TRPM3: variants seen among roughly 807,000 people sequenced by gnomAD.
TRPM3 encodes transient receptor potential cation channel subfamily M member 3, also known as long transient receptor potential channel 3.
TRPM3 carries 77 observed loss-of-function variants against 181.2 expected under a neutral mutation model. That is an observed-to-expected ratio of 0.42 (90% CI 0.35 to 0.51). The LOEUF is 0.51. Among genes scored for constraint, TRPM3 ranks in the 20% least tolerant of loss-of-function variants. The pLI, the probability that TRPM3 is intolerant of heterozygous loss-of-function variation, is 0.01. For missense variants in TRPM3, 1,759 were observed against 2,196.7 expected, an observed-to-expected ratio of 0.80 and a Z score of 3.98; for synonymous variants, 745 against 796.4, an observed-to-expected ratio of 0.94 and a Z score of 1.09.
At position 70,827,622 on chromosome 9, in the gene TRPM3, CAT is replaced by C. The variant is rs1165184726; in HGVS notation, c.973+223_973+224del. 29 of 446,208 alleles carry C rather than the reference CAT, an allele frequency of 6.5e-5. 1 individual carries two copies. The highest frequency in any genetic ancestry group is 7.1e-5 in the Admixed American group (2 of 28,156). 27.6% of individuals were successfully genotyped at this position (446,208 alleles called of 1,614,324 possible). On this transcript the variant is annotated intron_variant, in intron 6 of 25. Coordinates refer to ENST00000677713, the MANE Select transcript of TRPM3 (RefSeq NM_001366145.2). The stretch of plus-strand genomic sequence containing the variant: ...CCCAGATGGAGTTGAATTTTTCACA[CAT>C]GATACATAAGCTGGAGTCACTAATT...
At chr9:71,000,403 T>C (rs1484622099) in intron 1 of TRPM3, among the ~76,000 whole-genome samples, 1 of 152,176 alleles carries the variant, frequency 6.6e-6, no homozygotes, top group Non-Finnish European at 1.5e-5. Context: ...GCTAAAGTGG[T>C]TTTCAGATCC....
Position 70,966,167 on chromosome 9 carries a change from G to C in TRPM3, c.178-101656C>G, listed in dbSNP as rs539841787. 3.2e-4 allele frequency among the ~76,000 whole-genome samples: 48 copies of C among 152,006 alleles called. 1 individual carries two copies. Among genetic ancestry groups the C allele is most frequent in the African/African-American group, 1.1e-3 (47 of 41,478 alleles). ...AAAAAGCTCAACATTACTGATTAGAGAAATGCAAATCAAAACCACAATGAG... is the reference window on the plus strand; with the variant it reads ...AAAAAGCTCAACATTACTGATTAGACAAATGCAAATCAAAACCACAATGAG... On this transcript the variant is annotated intron_variant, in intron 1 of 25. Coordinates refer to ENST00000677713, the MANE Select transcript of TRPM3 (RefSeq NM_001366145.2).
chr9:71,082,028 A>G (rs1037025116), intron 1 of TRPM3, among the ~76,000 whole-genome samples: 3 of 152,240 alleles, frequency 2.0e-5, no homozygotes, highest in African/African-American at 7.2e-5. Flanking sequence ...TTTTAAACAA[A>G]TCCATATTGA....
intron 1 of TRPM3, among the ~76,000 whole-genome samples, chr9:70,965,558 C>T (rs2097176961): frequency 6.6e-6 from 1 of 151,976 alleles, no homozygotes; most frequent in African/African-American, 2.4e-5. Context: ...GTCTTTAGTT[C>T]TGTTTATGTG....
At chr9:70,921,942 A>ACACACACACACACACAC (rs1554770509) in intron 1 of TRPM3, among the ~76,000 whole-genome samples, 13 of 139,500 alleles carry the variant, frequency 9.3e-5, no homozygotes, top group African/African-American at 2.7e-4. Context: ...CACACAAACA[A>ACACACACACACACACAC]ACACACACAC....
chr9:71,421,001 G>GAGAAAAAGAGAAAA (rs1554658592), intron 1 of TRPM3, among the ~76,000 whole-genome samples: 5 of 123,022 alleles, frequency 4.1e-5, no homozygotes, highest in African/African-American at 6.1e-5. Flanking sequence ...GAGAGAAAAA[G>GAGAAAAAGAGAAAA]AGAGAAAAAG....
intron 8 of TRPM3, among the ~76,000 whole-genome samples, chr9:70,687,084 T>C (rs10868874): frequency 0.66 from 99,794 of 151,798 alleles, 33,205 homozygotes; most frequent in African/African-American, 0.76. Context: ...TGTCAGCCAC[T>C]GCGCTGGATC....
intron 1 of TRPM3, among the ~76,000 whole-genome samples, chr9:71,432,688 C>T (rs1356236030): frequency 6.6e-6 from 1 of 152,018 alleles, no homozygotes; most frequent in Non-Finnish European, 1.5e-5. Context: ...ACATGGAAAA[C>T]AATTTTAAAG....
At chr9:70,606,666 T>TATAC in intron 19 of TRPM3, among the ~76,000 whole-genome samples, 1 of 151,714 alleles carries the variant, frequency 6.6e-6, no homozygotes, top group East Asian at 1.9e-4. Flanking sequence ...TATATATATA[T>TATAC]ATGTATACTC....
At chr9:71,290,288 A>G (rs1170526361) in intron 1 of TRPM3, among the ~76,000 whole-genome samples, 1 of 152,134 alleles carries the variant, frequency 6.6e-6, no homozygotes, top group Non-Finnish European at 1.5e-5. Flanking sequence ...GAAACTCACC[A>G]ATATATCGTA....
chr9:70,763,527 G>A (rs901533861), intron 7 of TRPM3, among the ~76,000 whole-genome samples: 2 of 151,858 alleles, frequency 1.3e-5, no homozygotes, highest in Non-Finnish European at 1.5e-5. Flanking sequence ...TAGAAAAAGA[G>A]GATGGTTGAA....
intron 1 of TRPM3, among the ~76,000 whole-genome samples, chr9:71,260,294 T>C (rs1046036961): frequency 3.9e-5 from 6 of 152,212 alleles, no homozygotes; most frequent in Non-Finnish European, 7.3e-5. Flanking sequence ...TCTTGTAGTA[T>C]ACTTTGAAGT....
At chr9:71,304,766 A>G (rs2087110731) in intron 1 of TRPM3, among the ~76,000 whole-genome samples, 1 of 152,208 alleles carries the variant, frequency 6.6e-6, no homozygotes, top group African/African-American at 2.4e-5. Flanking sequence ...AGGATACAGT[A>G]CAAGAGTAAT....
intron 1 of TRPM3, among the ~76,000 whole-genome samples, chr9:71,413,673 T>C (rs762958804): frequency 1.3e-5 from 2 of 152,064 alleles, no homozygotes; most frequent in Non-Finnish European, 2.9e-5. Context: ...AATGGATTAA[T>C]GCCCTTATTT....
intron 3 of TRPM3, among the ~76,000 whole-genome samples, chr9:70,854,759 C>A (rs1026056314): frequency 6.6e-6 from 1 of 152,154 alleles, no homozygotes; most frequent in Non-Finnish European, 1.5e-5. Context: ...AGCGTCACTG[C>A]CTGGCAGCAG....
intron 1 of TRPM3, among the ~76,000 whole-genome samples, chr9:71,432,289 A>T (rs554104108): frequency 1.2e-3 from 179 of 145,722 alleles, no homozygotes; most frequent in African/African-American, 4.6e-3. Context: ...CTGTCCCCCA[A>T]CTGTATTCAA....
intron 4 of TRPM3, among the ~76,000 whole-genome samples, chr9:70,845,695 A>T (rs898501644): frequency 6.6e-6 from 1 of 152,170 alleles, no homozygotes; most frequent in Non-Finnish European, 1.5e-5. Context: ...GGCACCTCAG[A>T]CTTCAGGCTG....
chr9:70,539,450 T>C (rs2042676942), intron 25 of TRPM3, among the ~76,000 whole-genome samples: 2 of 150,608 alleles, frequency 1.3e-5, no homozygotes, highest in East Asian at 1.9e-4. Context: ...GGTCCCAGCC[T>C]GCCCTCAAGA....
At chr9:71,023,468 A>G (rs751666399) in intron 1 of TRPM3, among the ~76,000 whole-genome samples, 1 of 152,166 alleles carries the variant, frequency 6.6e-6, no homozygotes, top group Non-Finnish European at 1.5e-5. Flanking sequence ...TAGACTAACA[A>G]TTGCATTACT....
Sources: allele counts gnomAD v4.1 joint callset (sites outside exome capture counted in the v4.1 genomes callset), GRCh38; gene constraint gnomAD v4.1.1; transcripts MANE v1.5; gene names NCBI Gene and HGNC (gene_info 2026-07-23, HGNC 2026-07-21).